SYN3: variants seen among roughly 807,000 people sequenced by gnomAD.
The protein encoded by SYN3 is synapsin III.
Under a neutral mutation model 65.8 loss-of-function variants are expected in SYN3, and 35 were observed. The ratio of observed to expected loss-of-function variants is 0.53; its 90% CI spans 0.41 to 0.70. The LOEUF is 0.70. Among genes scored for constraint, SYN3 ranks in the 30% least tolerant of loss-of-function variants. The probability of loss-of-function intolerance (pLI) is 0.00; values close to 1 mark genes in which losing one functional copy is unlikely to be tolerated. For missense variants in SYN3, 680 were observed against 749.0 expected (o/e 0.91, Z 1.08); for synonymous variants, 270 against 292.9 (o/e 0.92, Z 0.80).
intron 6 of SYN3, among the ~76,000 whole-genome samples, chr22:32,686,825 C>T (rs1187583869): frequency 6.6e-6 from 1 of 151,942 alleles, no homozygotes; most frequent in Non-Finnish European, 1.5e-5. Context: ...GAACTCCTGA[C>T]CTCAGGTGAT....
At chr22:33,031,390 C>T (rs151195640) in intron 1 of SYN3, among the ~76,000 whole-genome samples, 129 of 152,168 alleles carry the variant, frequency 8.5e-4, no homozygotes, top group African/African-American at 2.4e-3. Flanking sequence ...TCCCAGACCC[C>T]GACCACCACC....
intron 6 of SYN3, among the ~76,000 whole-genome samples, chr22:32,796,223 C>T (rs964315770): frequency 8.5e-5 from 13 of 152,192 alleles, no homozygotes; most frequent in Admixed American, 5.2e-4. Context: ...CATACACACA[C>T]ATACATGCAC....
At chr22:32,769,603 G>A (rs1323537163) in intron 6 of SYN3, among the ~76,000 whole-genome samples, 8 of 150,360 alleles carry the variant, frequency 5.3e-5, no homozygotes, top group African/African-American at 1.7e-4. Context: ...CGCAACCTCC[G>A]CCTCCCGGGT....
chr22:32,955,476 G>A (rs375979412), intron 3 of SYN3, among the ~76,000 whole-genome samples: 1 of 152,076 alleles, frequency 6.6e-6, no homozygotes, highest in African/African-American at 2.4e-5. Flanking sequence ...CCAGGCAAAG[G>A]CCTTGATGCA....
At chr22:32,907,261 C>T (rs1367758087) in intron 4 of SYN3, among the ~76,000 whole-genome samples, 13 of 152,174 alleles carry the variant, frequency 8.5e-5, no homozygotes, top group Admixed American at 8.5e-4. Flanking sequence ...CCTAGGATTA[C>T]ATATAAGGGA....
At chr22:32,820,948 T>C (rs899849621) in intron 6 of SYN3, among the ~76,000 whole-genome samples, 2 of 152,202 alleles carry the variant, frequency 1.3e-5, no homozygotes, top group African/African-American at 4.8e-5. Context: ...AGAGACATGT[T>C]AATTGGCTTC....
intron 6 of SYN3, among the ~76,000 whole-genome samples, chr22:32,699,938 C>A (rs141203592): frequency 3.3e-5 from 5 of 152,114 alleles, no homozygotes; most frequent in African/African-American, 4.8e-5. Flanking sequence ...TTGAGGTCAT[C>A]GAATCCAATC....
At chr22:32,662,265 T>TA (rs1030908556) in intron 6 of SYN3, among the ~76,000 whole-genome samples, 2 of 85,850 alleles carry the variant, frequency 2.3e-5, no homozygotes, top group African/African-American at 1.4e-4. Context: ...AGGGCTGTCT[T>TA]ATCTTAACTC....
Position 32,899,034 on chromosome 22 carries a change from G to A in SYN3, c.462-29909C>T, listed in dbSNP as rs969207366. On this transcript the variant is annotated intron_variant, in intron 4 of 13. Coordinates refer to ENST00000358763, the MANE Select transcript of SYN3 (RefSeq NM_003490.4). ...GGAGAATCGCTTGAACCAGGAAGTC[G>A]GAGGTTGCTGTGAGCTGAGATTGTG... Among the ~76,000 whole-genome samples, 31 of 150,474 alleles carry A rather than the reference G, an allele frequency of 2.1e-4. 1 individual carries two copies. Among genetic ancestry groups the A allele is most frequent in the Admixed American group, 1.8e-3 (27 of 15,030 alleles).
intron 4 of SYN3, among the ~76,000 whole-genome samples, chr22:32,881,042 C>T (rs1384251770): frequency 6.6e-6 from 1 of 152,220 alleles, no homozygotes; most frequent in East Asian, 1.9e-4. Flanking sequence ...TGCTCTCCGA[C>T]AGCTGCCTGA....
At chr22:32,595,098 C>T (rs974905734) in intron 7 of SYN3, among the ~76,000 whole-genome samples, 1 of 152,150 alleles carries the variant, frequency 6.6e-6, no homozygotes, top group East Asian at 1.9e-4. Flanking sequence ...CCCAGTGCCC[C>T]CTTTCCTGTG....
chr22:33,030,748 C>T (rs972690444), intron 1 of SYN3, among the ~76,000 whole-genome samples: 1 of 150,628 alleles, frequency 6.6e-6, no homozygotes, highest in Non-Finnish European at 1.5e-5. Flanking sequence ...GAGATAGAGA[C>T]AGAGACAGAG....
At chr22:33,023,048 G>C (rs997362671) in intron 1 of SYN3, among the ~76,000 whole-genome samples, 1 of 152,114 alleles carries the variant, frequency 6.6e-6, no homozygotes, top group Non-Finnish European at 1.5e-5. Flanking sequence ...TCATCTGAAG[G>C]TCATGTCAAA....
At chr22:32,709,138 T>C (rs1441430070) in intron 6 of SYN3, among the ~76,000 whole-genome samples, 1 of 152,202 alleles carries the variant, frequency 6.6e-6, no homozygotes, top group Non-Finnish European at 1.5e-5. Context: ...AGCTGTGGCT[T>C]TGTTCTGTGC....
intron 1 of SYN3, among the ~76,000 whole-genome samples, chr22:33,026,874 C>T (rs1343749951): frequency 6.6e-6 from 1 of 152,240 alleles, no homozygotes; most frequent in Non-Finnish European, 1.5e-5. Context: ...CTGTATACTG[C>T]ACAAACTCCA....
intron 6 of SYN3, among the ~76,000 whole-genome samples, chr22:32,731,316 G>C (rs2061267506): frequency 1.3e-5 from 2 of 152,098 alleles, no homozygotes; most frequent in Admixed American, 6.5e-5. Flanking sequence ...AGGACACTTG[G>C]GGGTTGGGGG....
chr22:32,725,153 A>G (rs1025157097), intron 6 of SYN3, among the ~76,000 whole-genome samples: 12 of 151,978 alleles, frequency 7.9e-5, no homozygotes, highest in African/African-American at 2.9e-4. Flanking sequence ...ACACAACACA[A>G]CGCAACACAA....
At position 32,513,378 on chromosome 22, in the gene SYN3, G is replaced by A. The variant is rs2057716385; in HGVS notation, c.*314C>T. On this transcript the variant is annotated 3_prime_UTR_variant, in exon 14 of 14. Coordinates refer to ENST00000358763, the MANE Select transcript of SYN3 (RefSeq NM_003490.4). ...AGAATGTGAAAACTAGCCACTCGCAGACATCTCACTTGGTTATCTGGCAGG... is the reference window on the plus strand; with the variant it reads ...AGAATGTGAAAACTAGCCACTCGCAAACATCTCACTTGGTTATCTGGCAGG... The A allele has an allele frequency of 3.8e-6, 1 of 264,446 alleles. No individual in the cohort carries two copies. Among genetic ancestry groups the A allele is most frequent in the Non-Finnish European group, 7.2e-6 (1 of 138,630 alleles). 16.4% of individuals were successfully genotyped at this position (264,446 alleles called of 1,614,324 possible).
chr22:32,569,563 C>CTATATATATATATA (rs373627613), intron 7 of SYN3, among the ~76,000 whole-genome samples: 9 of 52,882 alleles, frequency 1.7e-4, no homozygotes, highest in Admixed American at 2.4e-4. Flanking sequence ...CTCTCTCTCT[C>CTATATATATATATA]TCTCTCTCTA....
Sources: gnomAD v4.1 joint callset for allele counts (sites outside exome capture counted in the v4.1 genomes callset) on GRCh38, gnomAD v4.1.1 for gene constraint, MANE v1.5 for transcripts, NCBI Gene and HGNC (gene_info 2026-07-23, HGNC 2026-07-21) for gene names.